HMCN1: variants seen among roughly 807,000 people sequenced by gnomAD.
HMCN1 encodes hemicentin 1.
A neutral mutation model predicts 625.9 loss-of-function variants in HMCN1; 321 were observed. That is an observed-to-expected ratio of 0.51 (90% confidence interval 0.47 to 0.56). HMCN1 has a LOEUF of 0.56. Among genes scored for constraint, HMCN1 ranks in the 20% least tolerant of loss-of-function variants. HMCN1 has a pLI of 0.00. For missense variants in HMCN1, 6,588 were observed against 6,887.3 expected (o/e 0.96, Z 1.54); for synonymous variants, 2,425 against 2,417.6 (o/e 1.00, Z -0.09).
chr1:185,984,989 GCTGAATAT>G (rs1651912803), intron 19 of HMCN1, among the ~76,000 whole-genome samples: 1 of 152,110 alleles, frequency 6.6e-6, no homozygotes, highest in African/African-American at 2.4e-5. Flanking sequence ...TGTGTTCAGA[GCTGAATAT>G]CTGAGGGAAG....
intron 4 of HMCN1, among the ~76,000 whole-genome samples, chr1:185,874,515 A>G (rs1663813698): frequency 6.6e-6 from 1 of 152,036 alleles, no homozygotes; most frequent in South Asian, 2.1e-4. Flanking sequence ...TAATAGGGTT[A>G]TAAAAGCAAA....
chr1:185,987,027 T>C (rs1652043540), intron 19 of HMCN1, among the ~76,000 whole-genome samples: 2 of 151,964 alleles, frequency 1.3e-5, no homozygotes, highest in Admixed American at 1.3e-4. Flanking sequence ...TTTCTCTGTA[T>C]GTAGGCTTAT....
At chr1:186,061,545 G>GT (rs1558186266) in intron 46 of HMCN1, among the ~76,000 whole-genome samples, 1 of 152,086 alleles carries the variant, frequency 6.6e-6, no homozygotes, top group African/African-American at 2.4e-5. Context: ...CTCAACTCGT[G>GT]TTAAAATATA....
At chr1:185,993,153 T>C in intron 22 of HMCN1, 29 bp from the exon 23 acceptor site, 1 of 1,604,384 alleles carries the variant, frequency 6.2e-7, no homozygotes, top group Non-Finnish European at 8.5e-7. Context: ...TCCTCTTCCA[T>C]GGTCTACTAT....
At chr1:186,076,276 C>T in intron 53 of HMCN1, 152 bp from the exon 54 acceptor site, 1 of 756,398 alleles carries the variant, frequency 1.3e-6, no homozygotes. Flanking sequence ...ACTTTTTTGG[C>T]TAAGGGCTAG....
chr1:186,070,609 C>T lies in HMCN1; in HGVS notation c.7994-3C>T. On this transcript the variant is annotated splice_polypyrimidine_tract_variant and splice_region_variant and intron_variant, in intron 51 of 106. Coordinates refer to ENST00000271588, the MANE Select transcript of HMCN1 (RefSeq NM_031935.3). ...CTAACTCTTTAATATTTATTTTATG[C>T]AGTTCCACCCATAATCAATAAAGGG... 6.2e-7 allele frequency: 1 copy of T among 1,608,834 alleles called. No individual in the cohort carries two copies. Among genetic ancestry groups the T allele is most frequent in the Non-Finnish European group, 8.5e-7 (1 of 1,175,420 alleles).
chr1:186,165,490 T>C (rs1410828017), intron 98 of HMCN1, among the ~76,000 whole-genome samples: 1 of 152,352 alleles, frequency 6.6e-6, no homozygotes, highest in South Asian at 2.1e-4. Flanking sequence ...TGCTATACTT[T>C]ATCTGGTGGC....
rs372296545 is a variant in HMCN1, at chr1:186,110,528, T to C, written c.10989+1931T>C. On this transcript the variant is annotated intron_variant, in intron 71 of 106. Coordinates refer to ENST00000271588, the MANE Select transcript of HMCN1 (RefSeq NM_031935.3). ...TATAGGTAATTAAAGACCTGAGGAA[T>C]GGTTCTTCAAAGAGTGATCAAAGTA... Among the ~76,000 whole-genome samples, 7 of 152,208 alleles carry C rather than the reference T, an allele frequency of 4.6e-5. No individual in the cohort carries two copies. In the East Asian group the frequency reaches 1.3e-3, roughly 29 times the overall value.
rs1403992455 is a variant in HMCN1, at chr1:186,092,408, A to G, written c.9888-726A>G. Among the ~76,000 whole-genome samples the G allele has an allele frequency of 2.0e-5, 3 of 152,046 alleles. No homozygotes were observed. The South Asian group carries it at 6.2e-4, about 31-fold the overall frequency. ...CTCTCAATAAACATTTAATAACAAGATATAATAGAAATGGAGCTTTTACTT... is the reference window on the plus strand; with the variant it reads ...CTCTCAATAAACATTTAATAACAAGGTATAATAGAAATGGAGCTTTTACTT... On this transcript the variant is annotated intron_variant, in intron 64 of 106. Transcript: ENST00000271588.
intron 46 of HMCN1, among the ~76,000 whole-genome samples, chr1:186,059,480 G>A (rs1216773049): frequency 6.6e-6 from 1 of 151,994 alleles, no homozygotes; most frequent in African/African-American, 2.4e-5. Context: ...ATTTATCTTT[G>A]TTGTGCTTGA....
Position 186,041,111 on chromosome 1 carries a change from A to T in HMCN1, c.6279A>T (p.Gln2093His), listed in dbSNP as rs1656176019. 6.2e-7 allele frequency: 1 copy of T among 1,612,978 alleles called. No homozygotes were observed. The highest frequency in any genetic ancestry group is 2.2e-5 in the East Asian group (1 of 44,788). ...CAGTGAATGCTGCTGGAGAAAAGCAAAGGGACATTGACCTCCGAGTATATG... is the reference window on the plus strand; with the variant it reads ...CAGTGAATGCTGCTGGAGAAAAGCATAGGGACATTGACCTCCGAGTATATG... Reference protein sequence around the residue: ...CVAVNAAGEKQRDIDLRVYVP... With the variant: ...CVAVNAAGEKHRDIDLRVYVP... Residue 2093 changes from glutamine (Q) to histidine (H), a missense_variant, in exon 40 of 107, where the codon CAA becomes CAT. Physicochemically the swap from Gln to His is conservative, Grantham distance 24 (BLOSUM62 0). This residue lies in a region of HMCN1 where 4,628 missense variants were observed against 4,853.1 expected (regional missense o/e 0.95). Coordinates refer to ENST00000271588, the MANE Select transcript of HMCN1 (RefSeq NM_031935.3).
intron 4 of HMCN1, among the ~76,000 whole-genome samples, chr1:185,882,730 C>A (rs1187664053): frequency 6.6e-6 from 1 of 151,972 alleles, no homozygotes; most frequent in Non-Finnish European, 1.5e-5. Flanking sequence ...ATGCCATCAC[C>A]TTGGGCTTTC....
At chr1:185,932,971 T>G (rs1211285362) in intron 10 of HMCN1, among the ~76,000 whole-genome samples, 1 of 152,182 alleles carries the variant, frequency 6.6e-6, no homozygotes, top group Non-Finnish European at 1.5e-5. Flanking sequence ...GCCTTTTGTG[T>G]ATATGGCTCT....
At position 186,039,022 on chromosome 1, in the gene HMCN1, C is replaced by T; in HGVS notation, c.6028+17C>T. 6.4e-7 allele frequency: 1 copy of T among 1,558,894 alleles called. No homozygotes were observed. Among genetic ancestry groups the T allele is most frequent in the Non-Finnish European group, 8.9e-7 (1 of 1,129,816 alleles). ...AAGTTCATGGTTAGTGCCACTTCAC[C>T]TAGATTCATTCTGGGGTAAAGAAGC... On this transcript the variant is annotated intron_variant, in intron 38 of 106. Transcript: ENST00000271588.
intron 1 of HMCN1, among the ~76,000 whole-genome samples, chr1:185,797,375 G>A (rs1010109238): frequency 3.3e-5 from 5 of 152,160 alleles, no homozygotes; most frequent in African/African-American, 1.2e-4. Context: ...ACAAATCTCA[G>A]ATCAATGTAA....
chr1:185,734,716 G>T lies in HMCN1; in HGVS notation c.-64G>T. ...TCTGAGAGGAAACCCTCTGCCTGTT[G>T]TTGAGGAGGACTGAGCACAGTGCTT... On this transcript the variant is annotated 5_prime_UTR_variant, in exon 1 of 107. Transcript: ENST00000271588. 1 of 1,516,090 alleles carries T rather than the reference G, an allele frequency of 6.6e-7. No homozygotes were observed. Among genetic ancestry groups the T allele is most frequent in the Non-Finnish European group, 9.1e-7 (1 of 1,093,952 alleles). 93.9% of individuals were successfully genotyped at this position (1,516,090 alleles called of 1,614,324 possible). A position where few individuals can be genotyped will look rare whatever the true frequency, so the allele number is the denominator to read the frequency against.
chr1:186,014,646 G>C (rs1654234653), intron 30 of HMCN1, among the ~76,000 whole-genome samples: 1 of 151,858 alleles, frequency 6.6e-6, no homozygotes, highest in South Asian at 2.1e-4. Context: ...TTGAGTGAAT[G>C]GAGTCTTGGC....
rs114966931 is a variant in HMCN1, at chr1:186,001,094, A to C, written c.4070-204A>C. Among the ~76,000 whole-genome samples the C allele has an allele frequency of 2.4e-3, 371 of 152,200 alleles. 2 individuals carry two copies. Among genetic ancestry groups the C allele is most frequent in the African/African-American group, 7.8e-3 (325 of 41,558 alleles). ...TTTTATCCTAAATTTAAAACCTTGA[A>C]ATAATAAAAATCCAATAAGGGTTGT... On this transcript the variant is annotated intron_variant, in intron 26 of 106. Transcript: ENST00000271588.
At position 185,976,699 on chromosome 1, in the gene HMCN1, A is replaced by G. The variant is rs1651241652; in HGVS notation, c.2372-1088A>G. ...TTTCAGTTTCTTCATCTATAAAATC[A>G]GAGTAATAACAATACCTACCCCATA... On this transcript the variant is annotated intron_variant, in intron 15 of 106. Transcript: ENST00000271588. Among the ~76,000 whole-genome samples the G allele has an allele frequency of 2.0e-5, 3 of 152,208 alleles. No individual in the cohort carries two copies. The South Asian group carries it at 6.2e-4, about 31-fold the overall frequency.
Sources: allele counts gnomAD v4.1 joint callset (sites outside exome capture counted in the v4.1 genomes callset), GRCh38; gene constraint gnomAD v4.1.1; regional missense constraint gnomAD v4.1.1; transcripts MANE v1.5; gene names NCBI Gene and HGNC (gene_info 2026-07-23, HGNC 2026-07-21).